TARBP1: variants seen among roughly 807,000 people sequenced by gnomAD.
The protein encoded by TARBP1 is tRNA (guanosine(18)-2'-O)-methyltransferase TARBP1.
Under a neutral mutation model 178.6 loss-of-function variants are expected in TARBP1, and 144 were observed. The ratio of observed to expected loss-of-function variants is 0.81; its 90% CI spans 0.70 to 0.93. TARBP1 has a LOEUF of 0.93. Ranked by LOEUF, TARBP1 falls within the 40% of genes least tolerant of loss-of-function variation. TARBP1 has a pLI of 0.00. For missense variants in TARBP1, 2,067 were observed against 2,011.7 expected, an observed-to-expected ratio of 1.03 and a Z score of -0.53; for synonymous variants, 787 against 781.0, an observed-to-expected ratio of 1.01 and a Z score of -0.13.
intron 29 of TARBP1, 133 bp downstream of exon 29, chr1:234,392,283 C>T: frequency 8.7e-7 from 1 of 1,146,032 alleles, no homozygotes; most frequent in Non-Finnish European, 1.2e-6. Context: ...TTGTAGTGAG[C>T]CGAGATTGTG....
Position 234,478,398 on chromosome 1 carries a change from G to A in TARBP1, c.706C>T (p.Leu236=). The A allele has an allele frequency of 1.5e-6, 2 of 1,358,192 alleles. No homozygotes were observed. The highest frequency in any genetic ancestry group is 1.6e-5 in the South Asian group (1 of 62,708). 84.1% of individuals were successfully genotyped at this position (1,358,192 alleles called of 1,614,324 possible). A position where few individuals can be genotyped will look rare whatever the true frequency, so the allele number is the denominator to read the frequency against. ...VEEKLLVLSA[L]AEKLLPEPGG... The stretch of plus-strand genomic sequence containing the variant: ...GGCTCGGGCAACAGCTTCTCGGCCA[G>A]GGCGCTCAGGACCAGCAGCTTCTCC... The change falls in exon 1 of 30, where the codon CTG becomes TTG. Residue 236 remains leucine, a synonymous_variant. Transcript: ENST00000040877.
At chr1:234,399,486 C>T (rs891051933) in intron 25 of TARBP1, among the ~76,000 whole-genome samples, 3 of 152,168 alleles carry the variant, frequency 2.0e-5, no homozygotes, top group African/African-American at 4.8e-5. Flanking sequence ...GGCGATTCCT[C>T]AGGGATCTAG....
At chr1:234,472,022 C>T (rs1318848124) in intron 2 of TARBP1, among the ~76,000 whole-genome samples, 1 of 152,112 alleles carries the variant, frequency 6.6e-6, no homozygotes, top group Non-Finnish European at 1.5e-5. Flanking sequence ...GCATACATAT[C>T]ACCTGGGAAC....
At position 234,451,032 on chromosome 1, in the gene TARBP1, T is replaced by C. The variant is rs1666705190; in HGVS notation, c.1723-466A>G. Among the ~76,000 whole-genome samples the C allele has an allele frequency of 2.6e-5, 4 of 152,330 alleles. No individual in the cohort carries two copies. In the South Asian group the frequency reaches 6.2e-4, roughly 24 times the overall value. ...AAGAAGTTTTATCTTTGAGAGAATG[T>C]AGAATTTGAAATTTAAGTTATAATC... On this transcript the variant is annotated intron_variant, in intron 9 of 29. Coordinates refer to ENST00000040877, the MANE Select transcript of TARBP1 (RefSeq NM_005646.4).
chr1:234,448,405 A>G lies in TARBP1; in HGVS notation c.1961+75T>C. On this transcript the variant is annotated intron_variant, in intron 11 of 29. Coordinates refer to ENST00000040877, the MANE Select transcript of TARBP1 (RefSeq NM_005646.4). Reference sequence around the variant, plus strand: ...GTGGTCAACTAAGTTCAATCATTCAAAAATCTGAATACACATCATAATTCT... The same window carrying G: ...GTGGTCAACTAAGTTCAATCATTCAGAAATCTGAATACACATCATAATTCT... The G allele has an allele frequency of 2.3e-6, 3 of 1,326,678 alleles. No homozygotes were observed. The South Asian group carries it at 3.6e-5, about 16-fold the overall frequency. 82.2% of individuals were successfully genotyped at this position (1,326,678 alleles called of 1,614,324 possible). A position where few individuals can be genotyped will look rare whatever the true frequency, so the allele number is the denominator to read the frequency against.
intron 1 of TARBP1, among the ~76,000 whole-genome samples, chr1:234,473,566 C>T (rs1669277705): frequency 6.6e-6 from 1 of 152,206 alleles, no homozygotes; most frequent in African/African-American, 2.4e-5. Flanking sequence ...TGGCCAGGCC[C>T]TCACTATGCA....
chr1:234,391,617 G>T lies in TARBP1; in HGVS notation c.4826C>A (p.Thr1609Asn). The change falls in exon 30 of 30, where the codon ACC (threonine) becomes AAC (asparagine). Residue 1609 changes from threonine to asparagine, a missense_variant. Coordinates refer to ENST00000040877, the MANE Select transcript of TARBP1 (RefSeq NM_005646.4). Reference protein sequence around the residue: ...VSGALLIWEYTRQQLLSHGDT... With the variant: ...VSGALLIWEYNRQQLLSHGDT... ...TCCGTGCGAGAGCAGCTGCTGCCTG[G>T]TGTACTCCCAGATCAGCAGGGCTCC... 6.2e-7 allele frequency: 1 copy of T among 1,613,522 alleles called. No individual in the cohort carries two copies. The highest frequency in any genetic ancestry group is 8.5e-7 in the Non-Finnish European group (1 of 1,179,962).
At chr1:234,430,374 C>A in intron 14 of TARBP1, 73 bp from the exon 15 acceptor site, 1 of 1,358,370 alleles carries the variant, frequency 7.4e-7, no homozygotes, top group Non-Finnish European at 1.0e-6. Flanking sequence ...AGTTGCCAGT[C>A]TATGGAAAGC....
Position 234,429,663 on chromosome 1 carries a change from G to A in TARBP1, c.2624C>T (p.Ser875Leu), listed in dbSNP as rs374573385. 66 of 1,595,152 alleles carry A rather than the reference G, an allele frequency of 4.1e-5. No individual in the cohort carries two copies. The highest frequency in any genetic ancestry group is 5.4e-5 in the African/African-American group (4 of 73,790). The change falls in exon 16 of 30, where the codon TCG becomes TTG. Residue 875 changes from serine to leucine, a missense_variant. Physicochemically the swap from Ser to Leu is moderately radical, Grantham distance 145. Coordinates refer to ENST00000040877, the MANE Select transcript of TARBP1 (RefSeq NM_005646.4). The part of the protein sequence containing the change: ...PLECSSVLEE[S>L]SSSQGWGKIV... Reference sequence around the variant, plus strand: ...TTTTCCCCATCCTTGGGAAGATGACGATTCTTCCAAAACACTGAAATAAAA... The same window carrying A: ...TTTTCCCCATCCTTGGGAAGATGACAATTCTTCCAAAACACTGAAATAAAA...
intron 24 of TARBP1, chr1:234,405,606 A>G (rs1214322455): frequency 3.2e-6 from 1 of 311,858 alleles, no homozygotes; most frequent in African/African-American, 2.1e-5. Flanking sequence ...CAAACAACAA[A>G]GGATGACATT....
chr1:234,422,827 A>G (rs1663267116), intron 20 of TARBP1, among the ~76,000 whole-genome samples: 1 of 152,248 alleles, frequency 6.6e-6, no homozygotes, highest in Non-Finnish European at 1.5e-5. Flanking sequence ...GTATGCCTAT[A>G]TCAAAATATC....
rs562363254 is a variant in TARBP1 at position 234,420,471 on chromosome 1, T to C, written c.3555+231A>G. Reference sequence around the variant, plus strand: ...CATTAAAACACCGAAGGGAAAAAAATATTAAATGGGGCCATGTAAACCCAC... The same window carrying C: ...CATTAAAACACCGAAGGGAAAAAAACATTAAATGGGGCCATGTAAACCCAC... On this transcript the variant is annotated intron_variant, in intron 21 of 29. Coordinates refer to ENST00000040877, the MANE Select transcript of TARBP1 (RefSeq NM_005646.4). Among the ~76,000 whole-genome samples, 19 of 152,246 alleles carry C rather than the reference T, an allele frequency of 1.2e-4. No homozygotes were observed. In the East Asian group the frequency reaches 3.7e-3, roughly 29 times the overall value.
rs1380891870 is a variant in TARBP1, at chr1:234,393,343, T to C, written c.4560+19A>G. The C allele has an allele frequency of 4.0e-6, 6 of 1,491,980 alleles. No homozygotes were observed. Among genetic ancestry groups the C allele is most frequent in the Non-Finnish European group, 4.5e-6 (5 of 1,113,692 alleles). The allele number at this position is 1,491,980 out of a possible 1,614,324, so 92.4% of individuals were successfully genotyped here. On this transcript the variant is annotated intron_variant, in intron 28 of 29. Coordinates refer to ENST00000040877, the MANE Select transcript of TARBP1 (RefSeq NM_005646.4). ...GGGCTTGTTTTAAGAACTTTAATAA[T>C]AAATTACTTTCCACCCACCTCCACT...
At chr1:234,448,367 T>C (rs771854191) in intron 11 of TARBP1, 113 bp downstream of exon 11, 14 of 837,538 alleles carry the variant, frequency 1.7e-5, no homozygotes, top group Non-Finnish European at 2.2e-5. Context: ...TCTAGTACCT[T>C]CCTTGACACC....
chr1:234,460,239 G>C, intron 7 of TARBP1, 22 bp downstream of exon 7: 1 of 1,607,684 alleles, frequency 6.2e-7, no homozygotes, highest in Non-Finnish European at 8.5e-7. Context: ...AACCATACAA[G>C]TACATATACA....
chr1:234,406,646 A>C (rs956498241), intron 23 of TARBP1: 1 of 152,370 alleles, frequency 6.6e-6, no homozygotes, highest in Non-Finnish European at 1.5e-5. Flanking sequence ...TTAAGAAATG[A>C]GGGGGAAAAT....
intron 1 of TARBP1, among the ~76,000 whole-genome samples, chr1:234,476,010 T>A (rs991177681): frequency 6.6e-6 from 1 of 152,146 alleles, no homozygotes; most frequent in African/African-American, 2.4e-5. Context: ...ATCTCTACTG[T>A]TATTATAGTA....
At chr1:234,462,082 A>AGGTG (rs1457321416) in intron 6 of TARBP1, among the ~76,000 whole-genome samples, 1 of 152,206 alleles carries the variant, frequency 6.6e-6, no homozygotes, top group African/African-American at 2.4e-5. Flanking sequence ...TCCTGGCCTC[A>AGGTG]ATTTTTCTTT....
chr1:234,411,258 A>T (rs1661791083), intron 22 of TARBP1, among the ~76,000 whole-genome samples: 2 of 152,258 alleles, frequency 1.3e-5, no homozygotes, highest in African/African-American at 4.8e-5. Context: ...ACTAGACATT[A>T]TAAGTAATCT....
Sources: gnomAD v4.1 joint callset for allele counts (sites outside exome capture counted in the v4.1 genomes callset) on GRCh38, gnomAD v4.1.1 for gene constraint, MANE v1.5 for transcripts, NCBI Gene and HGNC (gene_info 2026-07-23, HGNC 2026-07-21) for gene names.